CDH12: variants seen among roughly 807,000 people sequenced by gnomAD.
The protein encoded by CDH12 is cadherin 12.
Under a neutral mutation model 74.1 loss-of-function variants are expected in CDH12, and 41 were observed. The observed-to-expected ratio is 0.55, with a 90% CI of 0.43 to 0.72. CDH12 has a LOEUF of 0.72. Among genes scored for constraint, CDH12 ranks in the 30% least tolerant of loss-of-function variants. The pLI is 0.00. For missense variants in CDH12, 945 were observed against 977.2 expected (o/e 0.97, Z 0.44); for synonymous variants, 399 against 355.0 (o/e 1.12, Z -1.39).
intron 1 of CDH12, among the ~76,000 whole-genome samples, chr5:22,682,031 T>A (rs1561574153): frequency 6.6e-6 from 1 of 152,058 alleles, no homozygotes; most frequent in South Asian, 2.1e-4. Context: ...CCTACAGTGT[T>A]AAGAAAATAT....
At chr5:22,663,101 C>A (rs1561560625) in intron 1 of CDH12, among the ~76,000 whole-genome samples, 1 of 152,002 alleles carries the variant, frequency 6.6e-6, no homozygotes, top group African/African-American at 2.4e-5. Context: ...ATGTTTTATG[C>A]AAATATATGC....
At chr5:22,066,973 T>C (rs1318208380) in intron 5 of CDH12, among the ~76,000 whole-genome samples, 1 of 152,194 alleles carries the variant, frequency 6.6e-6, no homozygotes, top group Non-Finnish European at 1.5e-5. Flanking sequence ...AAGCTTTTGA[T>C]AATAGCACAT....
intron 1 of CDH12, among the ~76,000 whole-genome samples, chr5:22,606,498 G>A (rs1269469037): frequency 6.6e-6 from 1 of 152,146 alleles, no homozygotes; most frequent in Non-Finnish European, 1.5e-5. Context: ...ATGATAGTGA[G>A]TGAGTTCTCA....
At chr5:22,058,119 C>T in intron 5 of CDH12, among the ~76,000 whole-genome samples, 1 of 151,982 alleles carries the variant, frequency 6.6e-6, no homozygotes, top group East Asian at 1.9e-4. Context: ...TGCAGTGGTA[C>T]AATCTCGGCT....
chr5:22,283,243 T>C (rs62350716), intron 3 of CDH12, among the ~76,000 whole-genome samples: 40,458 of 116,668 alleles, frequency 0.35, 7,707 homozygotes, highest in Admixed American at 0.43. Context: ...TATATATATA[T>C]ATATATATAC....
intron 6 of CDH12, among the ~76,000 whole-genome samples, chr5:21,886,514 T>C (rs1312783567): frequency 6.8e-6 from 1 of 146,176 alleles, no homozygotes; most frequent in East Asian, 2.0e-4. Context: ...CCTCAAAGAG[T>C]TTACATATAT....
At chr5:22,089,600 C>T (rs1238712215) in intron 4 of CDH12, among the ~76,000 whole-genome samples, 1 of 151,976 alleles carries the variant, frequency 6.6e-6, no homozygotes, top group Non-Finnish European at 1.5e-5. Context: ...GAAATGAAAA[C>T]ATTTACTAGA....
At chr5:22,751,342 A>G (rs1745564344) in intron 1 of CDH12, among the ~76,000 whole-genome samples, 1 of 9,210 alleles carries the variant, frequency 1.1e-4, no homozygotes, top group East Asian at 4.0e-3. Context: ...TAATATACAT[A>G]TATATATATA....
Position 22,230,327 on chromosome 5 carries a change from A to T in CDH12, c.-332-17684T>A, listed in dbSNP as rs556747502. Among the ~76,000 whole-genome samples, 6 of 152,016 alleles carry T rather than the reference A, an allele frequency of 3.9e-5. No individual in the cohort carries two copies. In the South Asian group the frequency reaches 1.2e-3, roughly 32 times the overall value. On this transcript the variant is annotated intron_variant, in intron 3 of 14. Coordinates refer to ENST00000382254, the MANE Select transcript of CDH12 (RefSeq NM_004061.5). ...GTACCACACAATACATAATATCATTATTTTTCTGGTATCCTTAGTGTTACA... is the reference window on the plus strand; with the variant it reads ...GTACCACACAATACATAATATCATTTTTTTTCTGGTATCCTTAGTGTTACA...
rs201679120 is a variant in CDH12, at chr5:21,752,048, C to T, written c.2074G>A (p.Asp692Asn). The T allele has an allele frequency of 1.2e-6, 2 of 1,614,046 alleles. No individual in the cohort carries two copies. Among genetic ancestry groups the T allele is most frequent in the Non-Finnish European group, 1.7e-6 (2 of 1,179,988 alleles). The change falls in exon 15 of 15, where the codon GAT becomes AAT. Residue 692 changes from aspartate (D) to asparagine (N), a missense_variant. By Grantham distance (23) the Asp-to-Asn change is conservative. Around this residue, in one of 3 missense-constraint regions of CDH12, gnomAD observed 791 missense variants for 792.8 expected, o/e 1.00. Coordinates refer to ENST00000382254, the MANE Select transcript of CDH12 (RefSeq NM_004061.5). ...KVIEENKIRR[D>N]IKPDSLCLPR... ...AAACAGAGAGAGTCTGGTTTTATAT[C>T]CCTGCGAATTTTGTTCTCCTCAATC...
At chr5:22,280,317 A>G (rs1736820367) in intron 3 of CDH12, among the ~76,000 whole-genome samples, 1 of 152,204 alleles carries the variant, frequency 6.6e-6, no homozygotes, top group African/African-American at 2.4e-5. Flanking sequence ...AAAGAACTAG[A>G]GAAGCAAGAG....
chr5:21,766,233 A>G (rs1340757043), intron 11 of CDH12, among the ~76,000 whole-genome samples: 2 of 152,034 alleles, frequency 1.3e-5, no homozygotes, highest in African/African-American at 4.8e-5. Flanking sequence ...GTTTGACACA[A>G]TAGCTTTAAC....
intron 8 of CDH12, among the ~76,000 whole-genome samples, chr5:21,839,112 C>G (rs1443855912): frequency 1.3e-5 from 2 of 152,100 alleles, no homozygotes; most frequent in Non-Finnish European, 2.9e-5. Flanking sequence ...CCTCAACTAG[C>G]TATTACAGCT....
intron 6 of CDH12, among the ~76,000 whole-genome samples, chr5:21,913,655 A>T (rs1447992755): frequency 2.0e-5 from 3 of 152,032 alleles, no homozygotes; most frequent in African/African-American, 7.2e-5. Context: ...ACATTATTTC[A>T]TATGTTGTGG....
intron 5 of CDH12, among the ~76,000 whole-genome samples, chr5:22,067,890 A>G (rs1406100411): frequency 6.6e-6 from 1 of 152,104 alleles, no homozygotes; most frequent in Non-Finnish European, 1.5e-5. Context: ...AGGCAGAAGA[A>G]TCGCTTGAAC....
chr5:22,427,370 G>A (rs565039331), intron 2 of CDH12, among the ~76,000 whole-genome samples: 5 of 152,186 alleles, frequency 3.3e-5, no homozygotes, highest in South Asian at 2.1e-4. Flanking sequence ...GTTTCACCAC[G>A]TTGGCCAGGC....
intron 5 of CDH12, among the ~76,000 whole-genome samples, chr5:22,077,772 TA>T (rs1248317228): frequency 6.6e-6 from 1 of 152,132 alleles, no homozygotes; most frequent in Non-Finnish European, 1.5e-5. Flanking sequence ...TGAAAAAAAT[TA>T]AATTTCCATA....
Position 21,975,422 on chromosome 5 carries a change from GAGA to G in CDH12, c.232-40_232-38del, listed in dbSNP as rs748114359. ...AGAAGGAGAGAGAGAGGAAGAGAAA[GAGA>G]AGGACAAAGAAAGAACACCATTAAA... On this transcript the variant is annotated intron_variant, in intron 5 of 14. Transcript: ENST00000382254. The G allele has an allele frequency of 4.1e-6, 6 of 1,467,834 alleles. No homozygotes were observed. In the South Asian group the frequency reaches 5.1e-5, roughly 12 times the overall value. 90.9% of individuals were successfully genotyped at this position (1,467,834 alleles called of 1,614,324 possible).
intron 3 of CDH12, among the ~76,000 whole-genome samples, chr5:22,399,467 A>G (rs1742618789): frequency 6.6e-6 from 1 of 152,158 alleles, no homozygotes; most frequent in Non-Finnish European, 1.5e-5. Flanking sequence ...ACATCTATAT[A>G]AGTATCATTT....
Sources: allele counts gnomAD v4.1 joint callset (sites outside exome capture counted in the v4.1 genomes callset), GRCh38; gene constraint gnomAD v4.1.1; regional missense constraint gnomAD v4.1.1; transcripts MANE v1.5; gene names NCBI Gene and HGNC (gene_info 2026-07-23, HGNC 2026-07-21).